The following PUS10 variants were observed in gnomAD, a reference collection of about 807,000 sequenced individuals.
The protein encoded by PUS10 is pseudouridine synthase 10.
Under a neutral mutation model 75.0 loss-of-function variants are expected in PUS10, and 59 were observed. The observed-to-expected ratio is 0.79, with a 90% CI of 0.64 to 0.98. PUS10 has a LOEUF of 0.98. Among genes scored for constraint, PUS10 ranks in the 50% least tolerant of loss-of-function variants. The pLI, the probability that PUS10 is intolerant of heterozygous loss-of-function variation, is 0.00. For missense variants in PUS10, 650 were observed against 614.4 expected, an observed-to-expected ratio of 1.06 and a Z score of -0.61; for synonymous variants, 219 against 211.6, an observed-to-expected ratio of 1.03 and a Z score of -0.30.
At chr2:60,967,797 T>C (rs1392309796) in intron 5 of PUS10, among the ~76,000 whole-genome samples, 184 bp from the exon 6 acceptor site, 3 of 152,150 alleles carry the variant, frequency 2.0e-5, no homozygotes, top group Non-Finnish European at 4.4e-5. Flanking sequence ...ATGGACCTTA[T>C]ACTCTAGTGG....
At chr2:61,008,008 C>T (rs375746238) in intron 3 of PUS10, among the ~76,000 whole-genome samples, 110 of 151,290 alleles carry the variant, frequency 7.3e-4, no homozygotes, top group African/African-American at 2.4e-3. Flanking sequence ...ACCTGGGAGG[C>T]GGAGCTTACA....
chr2:60,985,786 G>C (rs557812855), intron 4 of PUS10, among the ~76,000 whole-genome samples: 2 of 152,178 alleles, frequency 1.3e-5, no homozygotes, highest in South Asian at 4.1e-4. Context: ...AGAGGTGTTA[G>C]CCACTGCACC....
At chr2:60,943,099 A>C (rs1260826100) in intron 17 of PUS10, among the ~76,000 whole-genome samples, 1 of 151,952 alleles carries the variant, frequency 6.6e-6, no homozygotes, top group African/African-American at 2.4e-5. Flanking sequence ...AGTGACCACC[A>C]ATTTTCCCTC....
chr2:60,948,042 C>CG lies in PUS10; in HGVS notation c.1451dup (p.Tyr485LeufsTer3). The CG allele has an allele frequency of 6.2e-7, 1 of 1,613,964 alleles. No homozygotes were observed. The highest frequency in any genetic ancestry group is 8.5e-7 in the Non-Finnish European group (1 of 1,179,928). ...CGGCAGTGCAGCAGGTGGAAGGATA[C>CG]GTGCCAGCCTGAGTTTTCAAGTGGA... is the stretch of plus-strand genomic sequence containing the variant. On this transcript the variant is annotated frameshift_variant and splice_region_variant. Coordinates refer to ENST00000316752, the MANE Select transcript of PUS10 (RefSeq NM_144709.4). LOFTEE classifies it high-confidence loss of function.
At chr2:60,960,669 A>C (rs1056647078) in intron 10 of PUS10, 152 bp from the exon 11 acceptor site, 14 of 577,716 alleles carry the variant, frequency 2.4e-5, no homozygotes, top group Non-Finnish European at 4.0e-5. Flanking sequence ...CAATTTGGAG[A>C]CCTGGGACAT....
chr2:60,964,392 C>G (rs187364740), intron 8 of PUS10, among the ~76,000 whole-genome samples: 3 of 152,220 alleles, frequency 2.0e-5, no homozygotes, highest in Admixed American at 2.0e-4. Context: ...GTAGGAATGC[C>G]TAAGTCTACG....
chr2:60,979,834 C>T (rs1677272923), intron 4 of PUS10, among the ~76,000 whole-genome samples: 1 of 152,122 alleles, frequency 6.6e-6, no homozygotes, highest in Admixed American at 6.5e-5. Context: ...TTGGACAAGT[C>T]AAGAGGGGAA....
At chr2:60,992,056 G>A (rs922232550) in intron 4 of PUS10, among the ~76,000 whole-genome samples, 1 of 150,510 alleles carries the variant, frequency 6.6e-6, no homozygotes, top group African/African-American at 2.5e-5. Context: ...CTGTCACCCA[G>A]GCTGGAGTAT....
At chr2:60,972,103 A>G (rs1376896551) in intron 4 of PUS10, among the ~76,000 whole-genome samples, 1 of 146,672 alleles carries the variant, frequency 6.8e-6, no homozygotes, top group Non-Finnish European at 1.5e-5. Context: ...TCCTGACATC[A>G]AGTGATCCGC....
rs117817957 is a variant in PUS10 at position 60,940,958 on chromosome 2, G to C, written c.*1437C>G. ...TGGTTCCAACGTGGCTGACTCCTTT[G>C]TGTCCATTAAAACCATTTTCCTCAT... is the stretch of plus-strand genomic sequence containing the variant. On this transcript the variant is annotated 3_prime_UTR_variant, in exon 18 of 18. Transcript: ENST00000316752. 1 of 152,372 alleles carries C rather than the reference G, an allele frequency of 6.6e-6. No homozygotes were observed. Among genetic ancestry groups the C allele is most frequent in the East Asian group, 1.9e-4 (1 of 5,324 alleles). The allele number at this position is 152,372 out of a possible 1,614,324, so 9.4% of individuals were successfully genotyped here.
chr2:60,970,094 A>G (rs1032748201), intron 5 of PUS10, among the ~76,000 whole-genome samples: 2 of 152,094 alleles, frequency 1.3e-5, no homozygotes, highest in African/African-American at 4.8e-5. Flanking sequence ...AAAAAAAAAA[A>G]CAAAACCCGA....
intron 1 of PUS10, chr2:61,017,779 C>G (rs1303028765): frequency 6.5e-7 from 1 of 1,550,112 alleles, no homozygotes. Context: ...CAGCCGCCAC[C>G]TCCCCCCAAA....
intron 4 of PUS10, among the ~76,000 whole-genome samples, chr2:60,993,661 G>A (rs1678259853): frequency 6.6e-6 from 1 of 152,032 alleles, no homozygotes; most frequent in Non-Finnish European, 1.5e-5. Context: ...TATTGATCCT[G>A]TATTAATATC....
At position 60,967,493 on chromosome 2, in the gene PUS10, A is replaced by G. The variant is rs2104386781; in HGVS notation, c.615+9T>C. On this transcript the variant is annotated intron_variant, in intron 6 of 17. Transcript: ENST00000316752. ...GAGAATAAAATTAACAATGCTGTTG[A>G]CCCAATACCTTTCCATCAATGGGAA... 1.3e-6 allele frequency: 2 copies of G among 1,494,942 alleles called. No individual in the cohort carries two copies. The highest frequency in any genetic ancestry group is 2.3e-5 in the South Asian group (2 of 85,534). 92.6% of individuals were successfully genotyped at this position (1,494,942 alleles called of 1,614,324 possible). A position where few individuals can be genotyped will look rare whatever the true frequency, so the allele number is the denominator to read the frequency against.
chr2:60,955,065 A>G lies in PUS10; in HGVS notation c.1010T>C (p.Phe337Ser). The G allele has an allele frequency of 1.3e-6, 2 of 1,595,372 alleles. No individual in the cohort carries two copies. The highest frequency in any genetic ancestry group is 8.5e-7 in the Non-Finnish European group (1 of 1,171,232). The change falls in exon 12 of 18, where the codon TTT (phenylalanine) becomes TCT (serine). Residue 337 changes from phenylalanine to serine, a missense_variant. By Grantham distance (155) the Phe-to-Ser change is radical. Transcript: ENST00000316752. ...LAVFKAESFNFSSSGREDVDV... is the reference protein window; with the variant it reads ...LAVFKAESFNSSSSGREDVDV... ...TACATCTTCTCTTCCAGAGGATGAAAAATTAAAACCTTTGAAAAGCAGATA... is the reference window on the plus strand; with the variant it reads ...TACATCTTCTCTTCCAGAGGATGAAGAATTAAAACCTTTGAAAAGCAGATA...
chr2:61,002,553 T>G (rs944431545), intron 4 of PUS10, among the ~76,000 whole-genome samples: 1 of 152,170 alleles, frequency 6.6e-6, no homozygotes, highest in Non-Finnish European at 1.5e-5. Context: ...GCTACAGTGA[T>G]CCTCCCACCT....
At position 60,954,891 on chromosome 2, in the gene PUS10, C is replaced by T. The variant is rs531006551; in HGVS notation, c.1057+127G>A. On this transcript the variant is annotated intron_variant, in intron 12 of 17. Transcript: ENST00000316752. ...GGGCCTCCATAATCCACAAAGCTTC[C>T]TCCCTTGGAGAAGCTCTGGGCCTTG... 1.1e-4 allele frequency: 59 copies of T among 526,216 alleles called. No homozygotes were observed. In the Middle Eastern group the frequency reaches 1.1e-3, roughly 10 times the overall value. 32.6% of individuals were successfully genotyped at this position (526,216 alleles called of 1,614,324 possible). A position where few individuals can be genotyped will look rare whatever the true frequency, so the allele number is the denominator to read the frequency against.
chr2:60,971,444 T>C (rs1391137080), intron 5 of PUS10, 79 bp downstream of exon 5: 8 of 1,238,372 alleles, frequency 6.5e-6, no homozygotes, highest in African/African-American at 1.5e-5. Context: ...AAAATAGAGA[T>C]TGTAGTAGTA....
chr2:60,962,334 G>A (rs10182512), intron 9 of PUS10, among the ~76,000 whole-genome samples: 51,616 of 152,106 alleles, frequency 0.34, 9,279 homozygotes, highest in Middle Eastern at 0.43. Flanking sequence ...CACTTTGGGA[G>A]GCCGAGGCGG....
Sources: allele counts gnomAD v4.1 joint callset (sites outside exome capture counted in the v4.1 genomes callset), GRCh38; gene constraint gnomAD v4.1.1; transcripts MANE v1.5; gene names NCBI Gene and HGNC (gene_info 2026-07-23, HGNC 2026-07-21).